ACMSD: variants seen among roughly 807,000 people sequenced by gnomAD.
ACMSD encodes aminocarboxymuconate semialdehyde decarboxylase, also known as 2-amino-3-carboxymuconate-6-semialdehyde decarboxylase.
In ACMSD, 37 loss-of-function variants were observed where a neutral mutation model predicts 45.9. That is an observed-to-expected ratio of 0.81 (90% confidence interval 0.62 to 1.06). The LOEUF (loss-of-function observed/expected upper bound fraction) is 1.06, where lower values mean the gene tolerates loss of function less well. Among genes scored for constraint, ACMSD ranks in the 50% least tolerant of loss-of-function variants. The pLI is 0.00. For synonymous variants in ACMSD, 138 were observed against 148.8 expected, an observed-to-expected ratio of 0.93 and a Z score of 0.53; for missense variants, 434 against 420.9, an observed-to-expected ratio of 1.03 and a Z score of -0.27.
chr2:134,852,352 C>A (rs1687383595), intron 2 of ACMSD, among the ~76,000 whole-genome samples: 1 of 152,022 alleles, frequency 6.6e-6, no homozygotes, highest in Admixed American at 6.6e-5. Context: ...GGAGATGGGG[C>A]TGGAGGCTGA....
In ACMSD at chr2:134,897,954, T is replaced by A. The variant is rs186950286; in HGVS notation, c.850-387T>A. 7.3e-4 allele frequency among the ~76,000 whole-genome samples: 110 copies of A among 151,352 alleles called. 1 individual carries two copies. The highest frequency in any genetic ancestry group is 7.0e-3 in the Admixed American group (106 of 15,212). ...TTCCTTTCCTACTCTGTTAATAGTA[T>A]GTTTTGAAAAACTGTGGAATCAATT... is the stretch of plus-strand genomic sequence containing the variant. On this transcript the variant is annotated intron_variant, in intron 8 of 9. Coordinates refer to ENST00000356140, the MANE Select transcript of ACMSD (RefSeq NM_138326.3).
At chr2:134,850,961 C>T (rs546928545) in intron 2 of ACMSD, among the ~76,000 whole-genome samples, 1 of 152,318 alleles carries the variant, frequency 6.6e-6, no homozygotes, top group South Asian at 2.1e-4. Context: ...CTGGCCCCCT[C>T]TGGTAGTCCC....
At chr2:134,888,585 C>T (rs1214179768) in intron 8 of ACMSD, among the ~76,000 whole-genome samples, 1 of 152,152 alleles carries the variant, frequency 6.6e-6, no homozygotes, top group Non-Finnish European at 1.5e-5. Context: ...TGTCCATCCA[C>T]AGAAGCATGG....
chr2:134,871,987 C>T (rs1165323345), intron 7 of ACMSD, among the ~76,000 whole-genome samples: 2 of 146,688 alleles, frequency 1.4e-5, no homozygotes, highest in South Asian at 2.2e-4. Context: ...GACAGAGTCT[C>T]ACCCTGTCAC....
chr2:134,895,547 C>G (rs1028002520), intron 8 of ACMSD, among the ~76,000 whole-genome samples: 2 of 150,828 alleles, frequency 1.3e-5, no homozygotes, highest in Admixed American at 6.6e-5. Flanking sequence ...AATTGATAAG[C>G]TGATCCAAAA....
intron 8 of ACMSD, among the ~76,000 whole-genome samples, chr2:134,891,024 T>C (rs900942317): frequency 6.6e-6 from 1 of 152,062 alleles, no homozygotes; most frequent in African/African-American, 2.4e-5. Context: ...TTATAAATTA[T>C]AGATATTAAT....
Position 134,892,684 on chromosome 2 carries a change from G to A in ACMSD, c.850-5657G>A, listed in dbSNP as rs1431728549. ...ATACTTCATACAAGTCAGTCTCCAG[G>A]GGACAAGTAGGAGTGAAGAAGGATG... is the stretch of plus-strand genomic sequence containing the variant. On this transcript the variant is annotated intron_variant, in intron 8 of 9. Transcript: ENST00000356140. Among the ~76,000 whole-genome samples, 5 of 152,018 alleles carry A rather than the reference G, an allele frequency of 3.3e-5. No individual in the cohort carries two copies. In the South Asian group the frequency reaches 1.0e-3, roughly 32 times the overall value.
intron 9 of ACMSD, among the ~76,000 whole-genome samples, chr2:134,900,679 T>C (rs1690447532): frequency 6.6e-6 from 1 of 152,180 alleles, no homozygotes; most frequent in Non-Finnish European, 1.5e-5. Context: ...GGATTCTATA[T>C]AGCATCCACA....
At position 134,884,965 on chromosome 2, in the gene ACMSD, G is replaced by A. The variant is rs150056520; in HGVS notation, c.849+12324G>A. 2.5e-3 allele frequency among the ~76,000 whole-genome samples: 385 copies of A among 151,782 alleles called. 1 individual carries two copies. The highest frequency in any genetic ancestry group is 8.8e-3 in the African/African-American group (363 of 41,370). On this transcript the variant is annotated intron_variant, in intron 8 of 9. Coordinates refer to ENST00000356140, the MANE Select transcript of ACMSD (RefSeq NM_138326.3). ...AATCCTAGCACTTTGGGAGGTTGAGGTGGGTGGATCACTTGAGCTCAGGAG... is the reference window on the plus strand; with the variant it reads ...AATCCTAGCACTTTGGGAGGTTGAGATGGGTGGATCACTTGAGCTCAGGAG...
intron 7 of ACMSD, 30 bp downstream of exon 7, chr2:134,871,090 G>A: frequency 6.3e-7 from 1 of 1,585,296 alleles, no homozygotes; most frequent in Non-Finnish European, 8.7e-7. Flanking sequence ...AGTCAGCTCA[G>A]GCTGTCACAA....
intron 8 of ACMSD, 62 bp from the exon 9 acceptor site, chr2:134,898,279 G>T (rs535540663): frequency 3.9e-6 from 4 of 1,019,118 alleles, no homozygotes; most frequent in Non-Finnish European, 5.6e-6. Context: ...GTAAACAATT[G>T]TTTACAGGAG....
At chr2:134,847,666 G>T (rs1239540150) in intron 2 of ACMSD, among the ~76,000 whole-genome samples, 1 of 151,994 alleles carries the variant, frequency 6.6e-6, no homozygotes, top group Non-Finnish European at 1.5e-5. Flanking sequence ...GTGTCCATGT[G>T]TTCTCATTGT....
intron 8 of ACMSD, among the ~76,000 whole-genome samples, chr2:134,885,032 C>T (rs1018381533): frequency 6.6e-5 from 10 of 150,410 alleles, no homozygotes; most frequent in South Asian, 2.1e-4. Flanking sequence ...CCTGTCTCTA[C>T]GGAAAATTCA....
intron 8 of ACMSD, among the ~76,000 whole-genome samples, chr2:134,886,531 G>A (rs1689471046): frequency 6.6e-6 from 1 of 152,018 alleles, no homozygotes; most frequent in Non-Finnish European, 1.5e-5. Context: ...TTACAGGCGT[G>A]AGCCACTGCG....
At chr2:134,874,159 T>C (rs1688613151) in intron 8 of ACMSD, among the ~76,000 whole-genome samples, 1 of 152,162 alleles carries the variant, frequency 6.6e-6, no homozygotes, top group South Asian at 2.1e-4. Context: ...GTGGATGGAC[T>C]AGTTGGTGAG....
intron 2 of ACMSD, among the ~76,000 whole-genome samples, chr2:134,850,246 G>C (rs1327157733): frequency 2.0e-5 from 3 of 150,990 alleles, no homozygotes; most frequent in Admixed American, 1.3e-4. Flanking sequence ...TGGGTATTCT[G>C]AATGACAATG....
chr2:134,895,234 T>C (rs1011527732), intron 8 of ACMSD, among the ~76,000 whole-genome samples: 17 of 150,168 alleles, frequency 1.1e-4, no homozygotes, highest in Non-Finnish European at 2.1e-4. Flanking sequence ...TACCAGGAGG[T>C]GGAGGTTGCA....
chr2:134,853,167 T>TAAAAA (rs201350282), intron 2 of ACMSD, among the ~76,000 whole-genome samples: 3 of 106,558 alleles, frequency 2.8e-5, no homozygotes, highest in Non-Finnish European at 3.9e-5. Context: ...CATCTCAATC[T>TAAAAA]AAAAAAAAAA....
At chr2:134,875,743 C>T (rs895020245) in intron 8 of ACMSD, among the ~76,000 whole-genome samples, 2 of 152,186 alleles carry the variant, frequency 1.3e-5, no homozygotes, top group Non-Finnish European at 2.9e-5. Context: ...GTCGGTCATA[C>T]GCTCATTATG....
Sources: gnomAD v4.1 joint callset for allele counts (sites outside exome capture counted in the v4.1 genomes callset) on GRCh38, gnomAD v4.1.1 for gene constraint, MANE v1.5 for transcripts, NCBI Gene and HGNC (gene_info 2026-07-23, HGNC 2026-07-21) for gene names.